The following ZBTB20 variants were observed in gnomAD, a reference collection of about 807,000 sequenced individuals.
The protein encoded by ZBTB20 is zinc finger and BTB domain-containing protein 20.
Under a neutral mutation model 56.9 loss-of-function variants are expected in ZBTB20, and 9 were observed. That is an observed-to-expected ratio of 0.16 (90% CI 0.10 to 0.28). The LOEUF is 0.28. ZBTB20 is among the 10% of genes least tolerant of loss of function. The probability of loss-of-function intolerance (pLI) is 1.00; values close to 1 mark genes in which losing one functional copy is unlikely to be tolerated. For synonymous variants in ZBTB20, 417 were observed against 420.7 expected (o/e 0.99, Z 0.11); for missense variants, 655 against 1,003.0 (o/e 0.65, Z 4.69).
At chr3:115,140,175 T>G (rs191822885) in intron 1 of ZBTB20, among the ~76,000 whole-genome samples, 1 of 152,028 alleles carries the variant, frequency 6.6e-6, no homozygotes, top group African/African-American at 2.4e-5. Flanking sequence ...GCATAGATTA[T>G]GCAACATGCC....
At chr3:114,726,050 A>T (rs2065253624) in intron 5 of ZBTB20, among the ~76,000 whole-genome samples, 1 of 152,204 alleles carries the variant, frequency 6.6e-6, no homozygotes, top group African/African-American at 2.4e-5. Flanking sequence ...AAGATATATC[A>T]CAGATAAGAC....
chr3:114,452,107 A>C (rs1048393462), intron 7 of ZBTB20, among the ~76,000 whole-genome samples: 34 of 152,276 alleles, frequency 2.2e-4, no homozygotes, highest in South Asian at 6.2e-4. Flanking sequence ...CAAATGAAAA[A>C]TTAAAAATGC....
chr3:115,097,787 G>A (rs973369157), intron 1 of ZBTB20, among the ~76,000 whole-genome samples: 12 of 152,214 alleles, frequency 7.9e-5, no homozygotes, highest in Middle Eastern at 6.8e-3. Flanking sequence ...CTCCTGTAAC[G>A]CAAGCCTTTC....
intron 1 of ZBTB20, among the ~76,000 whole-genome samples, chr3:115,119,783 C>T (rs1196398160): frequency 7.9e-5 from 12 of 152,034 alleles, no homozygotes; most frequent in Admixed American, 7.2e-4. Flanking sequence ...CGTATCCAAC[C>T]CCACTGTTCT....
At chr3:114,570,782 G>A (rs1258257146) in intron 6 of ZBTB20, among the ~76,000 whole-genome samples, 1 of 152,102 alleles carries the variant, frequency 6.6e-6, no homozygotes, top group Non-Finnish European at 1.5e-5. Context: ...TTTTTTCAAT[G>A]CAGATCTGGT....
chr3:114,924,492 C>T (rs1348188194), intron 3 of ZBTB20, among the ~76,000 whole-genome samples: 1 of 152,164 alleles, frequency 6.6e-6, no homozygotes, highest in African/African-American at 2.4e-5. Flanking sequence ...ATCTCACTTA[C>T]ATGAAATCTT....
chr3:115,137,210 T>C (rs1235595077), intron 1 of ZBTB20, among the ~76,000 whole-genome samples: 1 of 152,080 alleles, frequency 6.6e-6, no homozygotes, highest in Non-Finnish European at 1.5e-5. Context: ...AGCAATTTCA[T>C]TATTCTTTGA....
chr3:114,426,031 T>G (rs554997398), intron 7 of ZBTB20, among the ~76,000 whole-genome samples: 2 of 152,102 alleles, frequency 1.3e-5, no homozygotes, highest in African/African-American at 4.8e-5. Context: ...ACATTGTACC[T>G]AGGATATGAA....
intron 5 of ZBTB20, among the ~76,000 whole-genome samples, chr3:114,752,349 GC>G (rs1276301689): frequency 1.2e-4 from 18 of 152,088 alleles, no homozygotes; most frequent in African/African-American, 4.3e-4. Flanking sequence ...TAGGGTTGGG[GC>G]CCATTTGGTC....
intron 3 of ZBTB20, among the ~76,000 whole-genome samples, chr3:114,914,309 C>CTAGGTATTTAATTTTATCTG (rs1299522596): frequency 2.6e-5 from 4 of 151,636 alleles, no homozygotes; most frequent in Non-Finnish European, 5.9e-5. Context: ...CAGTTATTTC[C>CTAGGTATTTAATTTTATCTG]TAGGTATTTA....
intron 6 of ZBTB20, among the ~76,000 whole-genome samples, chr3:114,650,803 T>C (rs2060087781): frequency 6.6e-6 from 1 of 151,886 alleles, no homozygotes; most frequent in Non-Finnish European, 1.5e-5. Flanking sequence ...TTCATGAAAA[T>C]AAGAAAATTG....
intron 5 of ZBTB20, among the ~76,000 whole-genome samples, chr3:114,719,484 G>A (rs941725337): frequency 2.6e-5 from 4 of 152,056 alleles, no homozygotes; most frequent in Admixed American, 1.3e-4. Context: ...GATGAAGGCT[G>A]CTCTGCCTGT....
chr3:114,361,810 T>G (rs1256195088), intron 10 of ZBTB20, among the ~76,000 whole-genome samples: 1 of 152,122 alleles, frequency 6.6e-6, no homozygotes, highest in East Asian at 1.9e-4. Flanking sequence ...TTGGCACACT[T>G]CTGGAGGCTG....
At chr3:115,133,341 G>A (rs559930395) in intron 1 of ZBTB20, among the ~76,000 whole-genome samples, 14 of 151,836 alleles carry the variant, frequency 9.2e-5, no homozygotes, top group African/African-American at 3.4e-4. Context: ...TTCTAATTGT[G>A]TACTTTTGTC....
intron 3 of ZBTB20, among the ~76,000 whole-genome samples, chr3:114,947,419 A>G (rs2076921186): frequency 6.8e-6 from 1 of 146,416 alleles, no homozygotes; most frequent in South Asian, 2.1e-4. Context: ...ATGTCCATCA[A>G]TGGATGATTG....
intron 2 of ZBTB20, among the ~76,000 whole-genome samples, chr3:115,062,321 C>A (rs1009805918): frequency 1.4e-4 from 21 of 152,176 alleles, no homozygotes; most frequent in Non-Finnish European, 2.9e-5. Flanking sequence ...CAATGAAAAC[C>A]TTTATAAGCT....
chr3:114,402,153 A>G (rs1483821383), intron 7 of ZBTB20, among the ~76,000 whole-genome samples: 1 of 152,192 alleles, frequency 6.6e-6, no homozygotes, highest in Non-Finnish European at 1.5e-5. Flanking sequence ...GGACTAGACT[A>G]GTTCAAACCA....
At chr3:114,915,386 G>A (rs2075704489) in intron 3 of ZBTB20, among the ~76,000 whole-genome samples, 1 of 151,502 alleles carries the variant, frequency 6.6e-6, no homozygotes, top group Non-Finnish European at 1.5e-5. Flanking sequence ...AGCTTCTAAT[G>A]GTCTTTTGAA....
intron 6 of ZBTB20, among the ~76,000 whole-genome samples, chr3:114,509,802 G>A (rs2045121491): frequency 6.6e-6 from 1 of 152,108 alleles, no homozygotes; most frequent in Admixed American, 6.6e-5. Context: ...GTCAGCATAT[G>A]CTCCAGGAGC....
Sources: gnomAD v4.1 joint callset for allele counts (sites outside exome capture counted in the v4.1 genomes callset) on GRCh38, gnomAD v4.1.1 for gene constraint, MANE v1.5 for transcripts, NCBI Gene and HGNC (gene_info 2026-07-23, HGNC 2026-07-21) for gene names.